Variants in BMPER observed in about 807,000 individuals in gnomAD.
The protein encoded by BMPER is BMP binding endothelial regulator.
BMPER carries 45 observed loss-of-function variants against 87.3 expected under a neutral mutation model. The ratio of observed to expected loss-of-function variants is 0.52; its 90% confidence interval spans 0.41 to 0.66. BMPER has a LOEUF of 0.66. Ranked by LOEUF, BMPER falls within the 30% of genes least tolerant of loss-of-function variation. BMPER has a pLI of 0.00. For synonymous variants in BMPER, 326 were observed against 316.2 expected (o/e 1.03, Z -0.33); for missense variants, 784 against 867.5 (o/e 0.90, Z 1.21).
intron 13 of BMPER, among the ~76,000 whole-genome samples, chr7:34,100,729 G>A (rs1219963633): frequency 6.6e-6 from 1 of 152,136 alleles, no homozygotes; most frequent in Admixed American, 6.5e-5. Flanking sequence ...TGGTGCAGTG[G>A]CCTTAGGTTC....
chr7:34,039,360 A>C (rs1467383605), intron 6 of BMPER, among the ~76,000 whole-genome samples: 1 of 151,922 alleles, frequency 6.6e-6, no homozygotes, highest in South Asian at 2.1e-4. Flanking sequence ...TTGGCCTAGT[A>C]CTCTAGTTCT....
chr7:33,945,941 A>G (rs1784883579), intron 3 of BMPER, among the ~76,000 whole-genome samples: 1 of 152,112 alleles, frequency 6.6e-6, no homozygotes, highest in African/African-American at 2.4e-5. Context: ...ACAGAGAAGT[A>G]CCATCTGGTT....
At position 34,153,141 on chromosome 7, in the gene BMPER, T is replaced by C. The variant is rs931033547; in HGVS notation, c.1926T>C (p.Cys642=). The part of the protein sequence containing the change: ...GAVYDTCGPG[C]IKTCDNWNEI... ...TGTACGATACCTGTGGTCCGGGATG[T>C]ATCAAGACGTGTGACAACTGGAATG... is the stretch of plus-strand genomic sequence containing the variant. Residue 642 remains cysteine, a synonymous_variant, in exon 15 of 15, where the codon TGT becomes TGC. Coordinates refer to ENST00000649409, the MANE Select transcript of BMPER (RefSeq NM_001365308.1). 2.5e-5 allele frequency: 41 copies of C among 1,614,080 alleles called. No individual in the cohort carries two copies. Among genetic ancestry groups the C allele is most frequent in the Middle Eastern group, 1.6e-4 (1 of 6,062 alleles).
chr7:34,089,593 C>T (rs1341804549), intron 13 of BMPER, among the ~76,000 whole-genome samples: 1 of 152,110 alleles, frequency 6.6e-6, no homozygotes, highest in East Asian at 1.9e-4. Flanking sequence ...GAATGATGCT[C>T]CTGCCTCAGC....
At chr7:34,103,158 A>G (rs1789727203) in intron 13 of BMPER, among the ~76,000 whole-genome samples, 1 of 152,156 alleles carries the variant, frequency 6.6e-6, no homozygotes, top group South Asian at 2.1e-4. Context: ...GAGGAAGAAG[A>G]GAAACTCCTA....
At chr7:34,041,237 T>A (rs1324569203) in intron 6 of BMPER, among the ~76,000 whole-genome samples, 1 of 152,182 alleles carries the variant, frequency 6.6e-6, no homozygotes, top group Non-Finnish European at 1.5e-5. Context: ...CATTCTCTGC[T>A]GTAGGGGTGA....
chr7:34,022,294 T>C (rs933870533), intron 6 of BMPER, among the ~76,000 whole-genome samples: 1 of 152,044 alleles, frequency 6.6e-6, no homozygotes, highest in Non-Finnish European at 1.5e-5. Context: ...GGGCTTCTTC[T>C]AGGGATCATT....
intron 12 of BMPER, among the ~76,000 whole-genome samples, chr7:34,084,426 C>T (rs914359589): frequency 1.3e-5 from 2 of 152,044 alleles, no homozygotes; most frequent in Non-Finnish European, 1.5e-5. Flanking sequence ...GTCCCAGGGC[C>T]GAAATACACC....
intron 13 of BMPER, among the ~76,000 whole-genome samples, chr7:34,141,176 A>T (rs1040809934): frequency 1.3e-5 from 2 of 152,240 alleles, no homozygotes; most frequent in Admixed American, 1.3e-4. Flanking sequence ...CGCCATTTTA[A>T]GGACAAGCTT....
chr7:33,934,949 G>A (rs1286891571), intron 2 of BMPER, among the ~76,000 whole-genome samples: 1 of 152,134 alleles, frequency 6.6e-6, no homozygotes, highest in African/African-American at 2.4e-5. Context: ...TAGCTTGCAA[G>A]AACTACGCTT....
intron 2 of BMPER, among the ~76,000 whole-genome samples, chr7:33,912,886 A>T (rs1783996474): frequency 6.6e-6 from 1 of 152,172 alleles, no homozygotes; most frequent in African/African-American, 2.4e-5. Context: ...CAATAATATT[A>T]TTCTTTCTTC....
chr7:34,058,109 A>G lies in BMPER; in HGVS notation c.978A>G (p.Lys326=). 1.2e-6 allele frequency: 2 copies of G among 1,614,136 alleles called. No individual in the cohort carries two copies. Among genetic ancestry groups the G allele is most frequent in the East Asian group, 2.2e-5 (1 of 44,876 alleles). The change falls in exon 10 of 15, where the codon AAA becomes AAG. Residue 326 remains lysine, a synonymous_variant. Transcript: ENST00000649409. ...SINCTICACV[K]GRTECRNKQC... ...ATTGTACCATCTGTGCTTGTGTGAAAGGCAGGACGGAGTGTCGCAATAAGC... is the reference window on the plus strand; with the variant it reads ...ATTGTACCATCTGTGCTTGTGTGAAGGGCAGGACGGAGTGTCGCAATAAGC...
intron 4 of BMPER, among the ~76,000 whole-genome samples, chr7:33,967,866 C>A (rs1390503790): frequency 3.9e-5 from 6 of 152,172 alleles, no homozygotes; most frequent in Admixed American, 3.9e-4. Context: ...TCCTATGTAA[C>A]AGTCAGAGGT....
At chr7:34,029,441 G>A (rs1168397701) in intron 6 of BMPER, among the ~76,000 whole-genome samples, 1 of 152,044 alleles carries the variant, frequency 6.6e-6, no homozygotes, top group Non-Finnish European at 1.5e-5. Flanking sequence ...AGAGGCAAAA[G>A]GAAGGGAGCT....
chr7:34,139,727 T>G (rs1427565717), intron 13 of BMPER, among the ~76,000 whole-genome samples: 1 of 152,236 alleles, frequency 6.6e-6, no homozygotes, highest in African/African-American at 2.4e-5. Flanking sequence ...TTTTTTCAGT[T>G]AATCCTTCCC....
intron 2 of BMPER, among the ~76,000 whole-genome samples, chr7:33,935,905 C>T (rs1420656231): frequency 1.3e-5 from 2 of 152,154 alleles, no homozygotes; most frequent in Non-Finnish European, 2.9e-5. Context: ...GTTTCTGTGC[C>T]TCAGTTGGCC....
At chr7:34,015,092 T>G (rs113607733) in intron 6 of BMPER, among the ~76,000 whole-genome samples, 44 of 151,978 alleles carry the variant, frequency 2.9e-4, no homozygotes, top group Non-Finnish European at 5.7e-4. Flanking sequence ...TGAAGATTCA[T>G]CTAAATGTGG....
chr7:33,980,797 A>C (rs1282923911), intron 6 of BMPER, among the ~76,000 whole-genome samples: 2 of 152,200 alleles, frequency 1.3e-5, no homozygotes, highest in African/African-American at 2.4e-5. Flanking sequence ...TTTTACCAAT[A>C]AACATGGGTT....
intron 13 of BMPER, among the ~76,000 whole-genome samples, chr7:34,127,662 T>G (rs886977289): frequency 6.6e-6 from 1 of 152,354 alleles, no homozygotes; most frequent in East Asian, 1.9e-4. Flanking sequence ...TCTAATTTCT[T>G]GGCAGACTTT....
Sources: gnomAD v4.1 joint callset for allele counts (sites outside exome capture counted in the v4.1 genomes callset) on GRCh38, gnomAD v4.1.1 for gene constraint, MANE v1.5 for transcripts, NCBI Gene and HGNC (gene_info 2026-07-23, HGNC 2026-07-21) for gene names.